RRBP1: variants seen among roughly 807,000 people sequenced by gnomAD.
RRBP1 encodes the protein ribosome-binding protein 1.
In RRBP1, 94 loss-of-function variants were observed where a neutral mutation model predicts 165.2. That is an observed-to-expected ratio of 0.57 (90% CI 0.48 to 0.68). The LOEUF is 0.68. Among genes scored for constraint, RRBP1 ranks in the 30% least tolerant of loss-of-function variants. RRBP1 has a pLI of 0.00. For synonymous variants in RRBP1, 680 were observed against 714.5 expected (o/e 0.95, Z 0.77); for missense variants, 1,676 against 1,763.0 (o/e 0.95, Z 0.88).
chr20:17,660,136 A>T lies in RRBP1; in HGVS notation c.372T>A (p.Val124=), dbSNP rs1195369756. ...PPIIVAPVAT[V]PAMPQEKLAS... ...CCAGCTTCTCCTGGGGCATGGCTGG[A>T]ACTGTGGCGACAGGAGCAACGATAA... Residue 124 remains valine, a synonymous_variant, in exon 3 of 25, where the codon GTT becomes GTA. Transcript: ENST00000377813. The T allele has an allele frequency of 1.2e-6, 2 of 1,613,938 alleles. No individual in the cohort carries two copies. The highest frequency in any genetic ancestry group is 1.7e-6 in the Non-Finnish European group (2 of 1,180,012).
intron 2 of RRBP1, among the ~76,000 whole-genome samples, chr20:17,677,361 T>C (rs1400164608): frequency 6.6e-6 from 1 of 152,206 alleles, no homozygotes; most frequent in Non-Finnish European, 1.5e-5. Context: ...TAACTTCCAG[T>C]AGTCTTAGTG....
At chr20:17,616,861 T>G in intron 20 of RRBP1, 22 bp from the exon 21 acceptor site, 1 of 1,568,320 alleles carries the variant, frequency 6.4e-7, no homozygotes, top group Non-Finnish European at 8.8e-7. Flanking sequence ...AGGGGTGTGT[T>G]TGCAAATGCA....
At chr20:17,650,956 A>G (rs551856734) in intron 3 of RRBP1, among the ~76,000 whole-genome samples, 4 of 152,360 alleles carry the variant, frequency 2.6e-5, no homozygotes, top group Admixed American at 2.0e-4. Context: ...TGACTTTCCT[A>G]ATAGACACTG....
intron 3 of RRBP1, among the ~76,000 whole-genome samples, chr20:17,644,780 G>C (rs1451939132): frequency 6.6e-6 from 1 of 152,108 alleles, no homozygotes; most frequent in African/African-American, 2.4e-5. Flanking sequence ...GTGGAATTTA[G>C]AAGATTTGGT....
At chr20:17,662,225 T>C (rs973881475) in intron 2 of RRBP1, among the ~76,000 whole-genome samples, 7 of 151,092 alleles carry the variant, frequency 4.6e-5, no homozygotes, top group South Asian at 4.2e-4. Flanking sequence ...ATCGCGCCAC[T>C]GCACTCTAGC....
chr20:17,633,516 G>A lies in RRBP1; in HGVS notation c.2554C>T (p.Arg852Trp), dbSNP rs565385159. 11 of 1,613,922 alleles carry A rather than the reference G, an allele frequency of 6.8e-6. No individual in the cohort carries two copies. Among genetic ancestry groups the A allele is most frequent in the African/African-American group, 6.7e-5 (5 of 74,946 alleles). Residue 852 changes from arginine (R) to tryptophan (W), a missense_variant, in exon 8 of 25, where the codon CGG becomes TGG. This residue lies in a region of RRBP1 where 1,184 missense variants were observed against 1,167.1 expected (regional missense o/e 1.01). Coordinates refer to ENST00000377813, the MANE Select transcript of RRBP1 (RefSeq NM_001365613.2). ...GCTGCCTTGGCTTCCAGAGCTTTCC[G>A]CTGCTGCTCATCTTGCCGCACAGCC... is the stretch of plus-strand genomic sequence containing the variant. ...SEAVRQDEQQ[R>W]KALEAKAAAF...
At chr20:17,635,332 G>A (rs1055191218) in intron 7 of RRBP1, among the ~76,000 whole-genome samples, 73 of 152,188 alleles carry the variant, frequency 4.8e-4, no homozygotes, top group African/African-American at 1.7e-3. Context: ...GGGCACAGTC[G>A]AGGCCCACCA....
chr20:17,629,792 G>A (rs772393887), intron 9 of RRBP1, 31 bp downstream of exon 9: 3 of 1,582,884 alleles, frequency 1.9e-6, no homozygotes, highest in Non-Finnish European at 2.6e-6. Flanking sequence ...ACCCTGCACT[G>A]AACCCCCGGC....
At chr20:17,614,436 G>C (rs540943172) in intron 24 of RRBP1, among the ~76,000 whole-genome samples, 8 of 152,152 alleles carry the variant, frequency 5.3e-5, no homozygotes, top group Non-Finnish European at 1.2e-4. Flanking sequence ...GCAGGGGCTG[G>C]AGCACTGGCT....
chr20:17,656,060 G>A (rs117636240), intron 3 of RRBP1, among the ~76,000 whole-genome samples: 1,531 of 152,306 alleles, frequency 0.01, 12 homozygotes, highest in Admixed American at 0.019. Flanking sequence ...GGATCCTCAC[G>A]GTGTCTGGGG....
At chr20:17,658,553 G>C in intron 3 of RRBP1, 43 bp downstream of exon 3, 1 of 1,501,754 alleles carries the variant, frequency 6.7e-7, no homozygotes, top group Non-Finnish European at 9.0e-7. Flanking sequence ...GTCATTTAAA[G>C]ACAGCCTTTC....
At position 17,625,495 on chromosome 20, in the gene RRBP1, G is replaced by C; in HGVS notation, c.3054+17C>G. On this transcript the variant is annotated intron_variant, in intron 12 of 24. Transcript: ENST00000377813. Reference sequence around the variant, plus strand: ...TTCCCTGGCCCGTCCGTCCCCGCCTGTGCCTGCCGCACTCACATTGTTCTT... The same window carrying C: ...TTCCCTGGCCCGTCCGTCCCCGCCTCTGCCTGCCGCACTCACATTGTTCTT... 6.2e-7 allele frequency: 1 copy of C among 1,611,292 alleles called. No individual in the cohort carries two copies. The highest frequency in any genetic ancestry group is 8.5e-7 in the Non-Finnish European group (1 of 1,178,148).
At chr20:17,628,817 G>A (rs1011081543) in intron 9 of RRBP1, among the ~76,000 whole-genome samples, 3 of 152,236 alleles carry the variant, frequency 2.0e-5, no homozygotes, top group African/African-American at 4.8e-5. Context: ...GGGAAGCTGG[G>A]GCCGTGCCTC....
chr20:17,680,250 G>A (rs2122527171), intron 1 of RRBP1, among the ~76,000 whole-genome samples, 175 bp from the exon 2 acceptor site: 2 of 152,288 alleles, frequency 1.3e-5, no homozygotes, highest in Middle Eastern at 6.8e-3. Flanking sequence ...GGGGCAGTGG[G>A]AGAATGCCCC....
At chr20:17,664,841 C>T (rs1386913478) in intron 2 of RRBP1, among the ~76,000 whole-genome samples, 1 of 152,112 alleles carries the variant, frequency 6.6e-6, no homozygotes, top group Non-Finnish European at 1.5e-5. Context: ...CCCCCAGATC[C>T]ATTTCCTGGG....
chr20:17,680,634 C>A (rs542396208), intron 1 of RRBP1, among the ~76,000 whole-genome samples: 3 of 152,194 alleles, frequency 2.0e-5, no homozygotes, highest in Admixed American at 2.0e-4. Context: ...GTGGTGCTGT[C>A]TTCAGGCCAC....
chr20:17,635,097 T>C (rs6044921), intron 7 of RRBP1, among the ~76,000 whole-genome samples: 152,070 of 152,278 alleles, frequency 1, 75,931 homozygotes, highest in Middle Eastern at 1. Context: ...TCTCGAGGGC[T>C]GCCACTGAGG....
intron 2 of RRBP1, among the ~76,000 whole-genome samples, chr20:17,671,193 ATAGG>A (rs1364735806): frequency 6.6e-6 from 1 of 152,064 alleles, no homozygotes; most frequent in Non-Finnish European, 1.5e-5. Context: ...CCTCTTCCTC[ATAGG>A]TATTTTCAAT....
At chr20:17,652,216 TCTGA>T (rs879418272) in intron 3 of RRBP1, among the ~76,000 whole-genome samples, 6 of 152,230 alleles carry the variant, frequency 3.9e-5, no homozygotes, top group Admixed American at 6.5e-5. Flanking sequence ...AACTTTCTGC[TCTGA>T]CTGAGATGAT....
Sources: allele counts gnomAD v4.1 joint callset (sites outside exome capture counted in the v4.1 genomes callset), GRCh38; gene constraint gnomAD v4.1.1; regional missense constraint gnomAD v4.1.1; transcripts MANE v1.5; gene names NCBI Gene and HGNC (gene_info 2026-07-23, HGNC 2026-07-21).